PXDN: variants seen among roughly 807,000 people sequenced by gnomAD.
PXDN encodes peroxidasin, also known as peroxidasin homolog.
Under a neutral mutation model 140.3 loss-of-function variants are expected in PXDN, and 77 were observed. The observed-to-expected ratio is 0.55, with a 90% CI of 0.46 to 0.66. PXDN has a LOEUF of 0.66. Ranked by LOEUF, PXDN falls within the 30% of genes least tolerant of loss-of-function variation. The pLI, the probability that PXDN is intolerant of heterozygous loss-of-function variation, is 0.00. For missense variants in PXDN, 1,838 were observed against 2,039.5 expected (o/e 0.90, Z 1.90); for synonymous variants, 911 against 857.4 (o/e 1.06, Z -1.09).
chr2:1,664,904 T>C, intron 11 of PXDN, 54 bp downstream of exon 11: 1 of 1,422,278 alleles, frequency 7.0e-7, no homozygotes, highest in Non-Finnish European at 9.7e-7. Flanking sequence ...AAATGTGTGC[T>C]TCCTGCGTCT....
chr2:1,731,189 T>C (rs6759353), intron 1 of PXDN, among the ~76,000 whole-genome samples: 109,759 of 151,426 alleles, frequency 0.72, 39,804 homozygotes, highest in Admixed American at 0.79. Flanking sequence ...CATGAACTAG[T>C]GAGAGGAAGT....
intron 1 of PXDN, among the ~76,000 whole-genome samples, chr2:1,743,175 C>G (rs1377871896): frequency 1.3e-5 from 2 of 152,246 alleles, no homozygotes; most frequent in East Asian, 3.9e-4. Context: ...CCTGGAGCCG[C>G]GGGGCGGAGG....
intron 1 of PXDN, among the ~76,000 whole-genome samples, chr2:1,700,072 T>C (rs1684387049): frequency 6.6e-6 from 1 of 151,944 alleles, no homozygotes; most frequent in Non-Finnish European, 1.5e-5. Context: ...TTTTATTTAT[T>C]TTTTTTTGAC....
intron 1 of PXDN, among the ~76,000 whole-genome samples, chr2:1,698,449 G>A (rs1230487210): frequency 6.6e-6 from 1 of 152,108 alleles, no homozygotes. Flanking sequence ...GGAAATGGTC[G>A]AGCACACTAA....
Position 1,653,677 on chromosome 2 carries a change from G to C in PXDN, c.2055C>G (p.Leu685=), listed in dbSNP as rs754992048. Residue 685 remains leucine, a synonymous_variant, in exon 16 of 23, where the codon CTC becomes CTG. Coordinates refer to ENST00000252804, the MANE Select transcript of PXDN (RefSeq NM_012293.3). ...AGCCATGCTGTACATGCTCCTGAAT[G>C]AGCTGCAATGTCCGTTCAAAGATTT... The part of the protein sequence containing the change: ...AGEIFERTLQ[L]IQEHVQHGLM... The C allele has an allele frequency of 1.9e-6, 3 of 1,612,092 alleles. No individual in the cohort carries two copies. Among genetic ancestry groups the C allele is most frequent in the African/African-American group, 2.7e-5 (2 of 74,902 alleles).
rs997774473 is a variant in PXDN, at chr2:1,673,747, T to C, written c.914A>G (p.Gln305Arg). The change falls in exon 9 of 23, where the codon CAG (glutamine) becomes CGG (arginine). Residue 305 changes from glutamine to arginine, a missense_variant. Gln to Arg is a conservative substitution (Grantham distance 43). Transcript: ENST00000252804. Reference sequence around the variant, plus strand: ...ACCCTGGTCTGTCTCCTGTGTGTTCTGGATCATCAGGGTCCCATCGTCCAG... The same window carrying C: ...ACCCTGGTCTGTCTCCTGTGTGTTCCGGATCATCAGGGTCCCATCGTCCAG... ...NLLDDGTLMIQNTQETDQGIY... is the reference protein window; with the variant it reads ...NLLDDGTLMIRNTQETDQGIY... 6 of 1,613,922 alleles carry C rather than the reference T, an allele frequency of 3.7e-6. No individual in the cohort carries two copies. Among genetic ancestry groups the C allele is most frequent in the Non-Finnish European group, 5.1e-6 (6 of 1,179,892 alleles).
chr2:1,696,618 A>G (rs1462065641), intron 1 of PXDN, among the ~76,000 whole-genome samples: 1 of 152,210 alleles, frequency 6.6e-6, no homozygotes, highest in East Asian at 1.9e-4. Flanking sequence ...AGAAACACTC[A>G]TACACCAATA....
intron 1 of PXDN, among the ~76,000 whole-genome samples, chr2:1,740,851 T>A (rs1207760976): frequency 6.6e-6 from 1 of 152,268 alleles, no homozygotes; most frequent in African/African-American, 2.4e-5. Flanking sequence ...GTCTGGAGAT[T>A]CTGCAGGAGA....
chr2:1,653,996 T>C, intron 15 of PXDN: 1 of 578,854 alleles, frequency 1.7e-6, no homozygotes, highest in South Asian at 2.7e-5. Flanking sequence ...AACAAATAAT[T>C]AATTAAGTCA....
rs564043182 is a variant in PXDN at position 1,685,233 on chromosome 2, T to C, written c.417-1082A>G. Among the ~76,000 whole-genome samples the C allele has an allele frequency of 6.6e-6, 1 of 152,332 alleles. No individual in the cohort carries two copies. The highest frequency in any genetic ancestry group is 2.4e-5 in the African/African-American group (1 of 41,576). On this transcript the variant is annotated intron_variant, in intron 4 of 22. Transcript: ENST00000252804. This position sits in a 1 kb window ranked among gnomAD's most constrained non-coding sequence, Gnocchi z 5.1. ...AGGGCCCCCAAACGCAGACCATCCC[T>C]GCCCCTTGCCCCGGGACAGGTCTGT... is the stretch of plus-strand genomic sequence containing the variant.
chr2:1,718,885 C>A (rs1050544379), intron 1 of PXDN, among the ~76,000 whole-genome samples: 1 of 152,264 alleles, frequency 6.6e-6, no homozygotes, highest in African/African-American at 2.4e-5. Flanking sequence ...CCAGCACCTG[C>A]CACCAGCAAC....
At chr2:1,642,022 A>G (rs1211838178) in intron 19 of PXDN, among the ~76,000 whole-genome samples, 5 of 152,204 alleles carry the variant, frequency 3.3e-5, no homozygotes, top group African/African-American at 7.2e-5. Flanking sequence ...ACAATAAAAC[A>G]AAAAACAGAT....
At chr2:1,743,854 G>C (rs997439202) in intron 1 of PXDN, among the ~76,000 whole-genome samples, 1 of 146,536 alleles carries the variant, frequency 6.8e-6, no homozygotes, top group African/African-American at 2.5e-5. Flanking sequence ...GGGGAAAGGT[G>C]AGCGGAGGAG....
chr2:1,658,400 G>C (rs1173515464), intron 14 of PXDN, among the ~76,000 whole-genome samples: 1 of 151,936 alleles, frequency 6.6e-6, no homozygotes, highest in Non-Finnish European at 1.5e-5. Flanking sequence ...GTCTCAATGG[G>C]TGACACTGAC....
Position 1,666,216 on chromosome 2 carries a change from T to C in PXDN, c.1289A>G (p.Gln430Arg). ...TGGCACAGAGGATGGATACCCACCC[T>C]GGACGATGATGAAAGCGGTGGCATG... ...SVHATAFIIV[Q>R]ALPQFTVTPQ... Residue 430 changes from glutamine to arginine, a missense_variant and splice_region_variant, in exon 10 of 23, where the codon CAG becomes CGG. Gln to Arg is a conservative substitution (Grantham distance 43). Around this residue, in one of 5 missense-constraint regions of PXDN, gnomAD observed 537 missense variants for 583.9 expected, o/e 0.92. Transcript: ENST00000252804. 1.2e-6 allele frequency: 2 copies of C among 1,613,732 alleles called. No homozygotes were observed.
chr2:1,658,831 C>T (rs914187533), intron 14 of PXDN, among the ~76,000 whole-genome samples: 4 of 150,482 alleles, frequency 2.7e-5, no homozygotes, highest in Non-Finnish European at 4.4e-5. Context: ...CCTGCCACCC[C>T]CCATCTCCCC....
chr2:1,639,900 C>G lies in PXDN; in HGVS notation c.3953-478G>C, dbSNP rs1362178624. Among the ~76,000 whole-genome samples, 1 of 152,252 alleles carries G rather than the reference C, an allele frequency of 6.6e-6. No individual in the cohort carries two copies. On this transcript the variant is annotated intron_variant, in intron 19 of 22. Transcript: ENST00000252804. This position sits in a 1 kb window ranked among gnomAD's most constrained non-coding sequence, Gnocchi z 5.0. Reference sequence around the variant, plus strand: ...GACAAGAGGCGGCCTGACCCTGCTTCTCCTGAATGTAGCCCAAACACCTCC... The same window carrying G: ...GACAAGAGGCGGCCTGACCCTGCTTGTCCTGAATGTAGCCCAAACACCTCC...
At position 1,673,762 on chromosome 2, in the gene PXDN, C is replaced by T. The variant is rs1683632792; in HGVS notation, c.899G>A (p.Gly300Glu). The T allele has an allele frequency of 6.2e-7, 1 of 1,613,878 alleles. No homozygotes were observed. Among genetic ancestry groups the T allele is most frequent in the Admixed American group, 1.7e-5 (1 of 60,010 alleles). Residue 300 changes from glycine (G) to glutamate (E), a missense_variant, in exon 9 of 23, where the codon GGG becomes GAG. Transcript: ENST00000252804. The part of the protein sequence containing the change: ...TDSRLNLLDD[G>E]TLMIQNTQET... ...CTGTGTGTTCTGGATCATCAGGGTCCCATCGTCCAGCAAGTTTAGGCGGGA... is the reference window on the plus strand; with the variant it reads ...CTGTGTGTTCTGGATCATCAGGGTCTCATCGTCCAGCAAGTTTAGGCGGGA...
chr2:1,688,012 G>A (rs1436343906), intron 3 of PXDN, among the ~76,000 whole-genome samples: 1 of 152,166 alleles, frequency 6.6e-6, no homozygotes, highest in Non-Finnish European at 1.5e-5. Context: ...TTCAAAGCCT[G>A]AAGAAGATAA....
Sources: allele counts gnomAD v4.1 joint callset (sites outside exome capture counted in the v4.1 genomes callset), GRCh38; gene constraint gnomAD v4.1.1; regional missense constraint gnomAD v4.1.1; non-coding constraint Gnocchi (gnomAD v3.1); transcripts MANE v1.5; gene names NCBI Gene and HGNC (gene_info 2026-07-23, HGNC 2026-07-21).